The following ADGRA2 variants were observed in gnomAD, a reference collection of about 807,000 sequenced individuals.
The protein encoded by ADGRA2 is G-protein coupled receptor 124.
In ADGRA2, 61 loss-of-function variants were observed where a neutral mutation model predicts 98.7. The observed-to-expected ratio is 0.62, with a 90% CI of 0.50 to 0.76. The LOEUF is 0.76. Among genes scored for constraint, ADGRA2 ranks in the 30% least tolerant of loss-of-function variants. ADGRA2 has a pLI of 0.00. For synonymous variants in ADGRA2, 858 were observed against 831.5 expected (o/e 1.03, Z -0.55); for missense variants, 1,712 against 1,860.0 (o/e 0.92, Z 1.46).
chr8:37,807,615 C>T (rs1015971700), intron 1 of ADGRA2, among the ~76,000 whole-genome samples: 2 of 152,142 alleles, frequency 1.3e-5, no homozygotes, highest in Non-Finnish European at 2.9e-5. Flanking sequence ...GCTCTGATTT[C>T]GGTGGGTGTT....
chr8:37,835,891 G>A (rs1805597239), intron 13 of ADGRA2, 121 bp downstream of exon 13: 1 of 664,830 alleles, frequency 1.5e-6, no homozygotes, highest in Non-Finnish European at 2.7e-6. Context: ...GACACAGGAT[G>A]TTGGGTCTCT....
At chr8:37,826,224 G>C (rs570628836) in intron 2 of ADGRA2, among the ~76,000 whole-genome samples, 14 of 152,330 alleles carry the variant, frequency 9.2e-5, no homozygotes, top group African/African-American at 3.1e-4. Context: ...CCCCCACGTG[G>C]GGGTGGGAGG....
chr8:37,815,025 C>T (rs891193634), intron 2 of ADGRA2, 58 bp downstream of exon 2: 7 of 1,202,976 alleles, frequency 5.8e-6, no homozygotes, highest in Non-Finnish European at 1.2e-6. Flanking sequence ...CAAGAGGTCA[C>T]CCCGGGGAGG....
intron 2 of ADGRA2, among the ~76,000 whole-genome samples, chr8:37,818,186 G>A (rs898788004): frequency 6.6e-6 from 1 of 152,154 alleles, no homozygotes; most frequent in African/African-American, 2.4e-5. Flanking sequence ...GTCTTTGGAG[G>A]AAGGCAAGCC....
chr8:37,833,277 C>G, intron 9 of ADGRA2, 69 bp downstream of exon 9: 1 of 1,259,534 alleles, frequency 7.9e-7, no homozygotes, highest in Non-Finnish European at 1.1e-6. Flanking sequence ...GCCAACCTAA[C>G]GGGCAAGGGG....
Position 37,839,005 on chromosome 8 carries a change from AC to A in ADGRA2, c.2313del (p.Val772TrpfsTer38). 1 of 1,595,904 alleles carries A rather than the reference AC, an allele frequency of 6.3e-7. No individual in the cohort carries two copies. The highest frequency in any genetic ancestry group is 1.1e-5 in the South Asian group (1 of 87,926). On this transcript the variant is annotated frameshift_variant, in exon 15 of 19. Coordinates refer to ENST00000412232, the MANE Select transcript of ADGRA2 (RefSeq NM_032777.10). LOFTEE classifies it high-confidence loss of function. The part of the protein sequence containing the change: ...REVGGAGAGL[H>X]PVVYPCTALL... ...GTGGGGGGCGCCGGGGCAGGGCTGC[AC>A]CCCGTGGTATACCCCTGCACGGCCT...
intron 1 of ADGRA2, among the ~76,000 whole-genome samples, chr8:37,798,829 G>A (rs560969344): frequency 6.6e-6 from 1 of 152,310 alleles, no homozygotes; most frequent in Non-Finnish European, 1.5e-5. Flanking sequence ...CCCGGCCCGG[G>A]TGTGTGTGTG....
chr8:37,836,938 CTG>C (rs1805631558), intron 13 of ADGRA2, among the ~76,000 whole-genome samples: 1 of 152,226 alleles, frequency 6.6e-6, no homozygotes, highest in South Asian at 2.1e-4. Context: ...ATGTGCCAGA[CTG>C]TGCCTGAGCT....
chr8:37,828,123 C>T (rs75554695), intron 2 of ADGRA2, among the ~76,000 whole-genome samples: 4,638 of 151,834 alleles, frequency 0.031, 232 homozygotes, highest in African/African-American at 0.1. Flanking sequence ...GCCTGGATGA[C>T]AGAGAGACCC....
In ADGRA2 at chr8:37,839,630, G is replaced by A. The variant is rs112119971; in HGVS notation, c.2511+8G>A. ...CAGATGGTCTGCCAGGCGGTAAGCA[G>A]GAGAAGGGGCTCTGGGGGTGGTGCT... On this transcript the variant is annotated splice_region_variant and intron_variant, in intron 16 of 18. Coordinates refer to ENST00000412232, the MANE Select transcript of ADGRA2 (RefSeq NM_032777.10). The A allele has an allele frequency of 8.7e-6, 14 of 1,613,520 alleles. No homozygotes were observed. The highest frequency in any genetic ancestry group is 8.3e-5 in the Admixed American group (5 of 59,970).
At chr8:37,810,908 A>G (rs556182736) in intron 1 of ADGRA2, among the ~76,000 whole-genome samples, 1 of 152,078 alleles carries the variant, frequency 6.6e-6, no homozygotes, top group South Asian at 2.1e-4. Context: ...TGAGGTCAGG[A>G]GATCAAGACC....
At position 37,841,826 on chromosome 8, in the gene ADGRA2, G is replaced by A. The variant is rs1031241896; in HGVS notation, c.3488G>A (p.Gly1163Asp). 10 of 1,530,186 alleles carry A rather than the reference G, an allele frequency of 6.5e-6. No individual in the cohort carries two copies. Among genetic ancestry groups the A allele is most frequent in the Non-Finnish European group, 8.7e-6 (10 of 1,144,186 alleles). The allele number at this position is 1,530,186 out of a possible 1,614,324, so 94.8% of individuals were successfully genotyped here. Residue 1163 changes from glycine (G) to aspartate (D), a missense_variant, in exon 19 of 19, where the codon GGC (glycine) becomes GAC (aspartate). Transcript: ENST00000412232. This position sits in a 1 kb window ranked among gnomAD's most constrained non-coding sequence, Gnocchi z 5.0. ...GGGGAAGGAGAGCCGGAGCCGGCGG[G>A]CACCCGGGGAAACCTCGCCCACCGC... is the stretch of plus-strand genomic sequence containing the variant. ...AGGEGEPEPA[G>D]TRGNLAHRHP...
In ADGRA2 at chr8:37,802,639, T is replaced by C. The variant is rs1804542588; in HGVS notation, c.266+5105T>C. Among the ~76,000 whole-genome samples the C allele has an allele frequency of 6.6e-6, 1 of 152,098 alleles. No individual in the cohort carries two copies. Among genetic ancestry groups the C allele is most frequent in the Non-Finnish European group, 1.5e-5 (1 of 67,998 alleles). On this transcript the variant is annotated intron_variant, in intron 1 of 18. Coordinates refer to ENST00000412232, the MANE Select transcript of ADGRA2 (RefSeq NM_032777.10). This position sits in a 1 kb window ranked among gnomAD's most constrained non-coding sequence, Gnocchi z 4.7. ...GGGGCCCAGCAGAAACCTCAGTCTC[T>C]CCTGGACTCTTCCCCACCACCCACT...
chr8:37,825,878 G>A (rs1488601022), intron 2 of ADGRA2, among the ~76,000 whole-genome samples: 1 of 152,174 alleles, frequency 6.6e-6, no homozygotes, highest in African/African-American at 2.4e-5. Context: ...ACTCGTGGGG[G>A]CTGCCTTGGT....
chr8:37,817,920 G>C (rs1295896478), intron 2 of ADGRA2, among the ~76,000 whole-genome samples: 1 of 152,204 alleles, frequency 6.6e-6, no homozygotes, highest in Admixed American at 6.5e-5. Flanking sequence ...GGGAGGCTGA[G>C]GCAGGGAGAA....
chr8:37,840,020 G>A (rs2130058386), intron 16 of ADGRA2, 101 bp from the exon 17 acceptor site: 1 of 1,118,596 alleles, frequency 8.9e-7, no homozygotes, highest in Non-Finnish European at 1.3e-6. Context: ...AAAGCTGGGG[G>A]CCGGAGGCTG....
chr8:37,820,940 TG>T (rs373539027), intron 2 of ADGRA2, among the ~76,000 whole-genome samples: 2 of 117,006 alleles, frequency 1.7e-5, no homozygotes, highest in East Asian at 5.1e-4. Flanking sequence ...GGGGTGGAGA[TG>T]GGGGGGCACA....
intron 2 of ADGRA2, among the ~76,000 whole-genome samples, chr8:37,816,596 ACACACACACAC>A (rs1563342123): frequency 1.0e-4 from 8 of 78,344 alleles, no homozygotes; most frequent in African/African-American, 3.4e-4. Context: ...CGTCTCAAAC[ACACACACACAC>A]ACACACACAC....
At position 37,842,560 on chromosome 8, in the gene ADGRA2, T is replaced by G; in HGVS notation, c.*205T>G. ...CAATCCCAGAAACACGCATAATACA[T>G]TTCCGTCCAGCCCGGGGCAGTCTGA... On this transcript the variant is annotated 3_prime_UTR_variant, in exon 19 of 19. Transcript: ENST00000412232. 1.2e-6 allele frequency: 1 copy of G among 861,452 alleles called. No homozygotes were observed. Among genetic ancestry groups the G allele is most frequent in the Non-Finnish European group, 1.6e-6 (1 of 628,052 alleles). 53.4% of individuals were successfully genotyped at this position (861,452 alleles called of 1,614,324 possible).
Sources: allele counts gnomAD v4.1 joint callset (sites outside exome capture counted in the v4.1 genomes callset), GRCh38; gene constraint gnomAD v4.1.1; non-coding constraint Gnocchi (gnomAD v3.1); transcripts MANE v1.5; gene names NCBI Gene and HGNC (gene_info 2026-07-23, HGNC 2026-07-21).